RGS3: variants seen among roughly 807,000 people sequenced by gnomAD.
The protein encoded by RGS3 is regulator of G-protein signalling 3.
In RGS3, 80 loss-of-function variants were observed where a neutral mutation model predicts 132.6. The observed-to-expected ratio is 0.60, with a 90% confidence interval of 0.50 to 0.73. The LOEUF (loss-of-function observed/expected upper bound fraction) is 0.73, where lower values mean the gene tolerates loss of function less well. Among genes scored for constraint, RGS3 ranks in the 30% least tolerant of loss-of-function variants. The pLI, the probability that RGS3 is intolerant of heterozygous loss-of-function variation, is 0.00. For synonymous variants in RGS3, 598 were observed against 620.6 expected (o/e 0.96, Z 0.54); for missense variants, 1,382 against 1,530.8 (o/e 0.90, Z 1.62).
chr9:113,446,937 G>A (rs918896970), intron 1 of RGS3, among the ~76,000 whole-genome samples: 17 of 152,074 alleles, frequency 1.1e-4, no homozygotes, highest in Admixed American at 6.6e-4. Context: ...TATCCCCTAA[G>A]CTTACCTTGG....
rs192334612 is a variant in RGS3, at chr9:113,516,650, C to T, written c.1675-891C>T. Among the ~76,000 whole-genome samples, 251 of 152,332 alleles carry T rather than the reference C, an allele frequency of 1.6e-3. 2 individuals carry two copies. Among genetic ancestry groups the T allele is most frequent in the African/African-American group, 5.5e-3 (230 of 41,572 alleles). ...CTGGGATTACAGGCATGAGCCACCA[C>T]ATGCGGCCTGTGTCTAATTTTCATG... is the stretch of plus-strand genomic sequence containing the variant. On this transcript the variant is annotated intron_variant, in intron 15 of 24. Coordinates refer to ENST00000350696, the Ensembl canonical transcript of RGS3.
intron 19 of RGS3, among the ~76,000 whole-genome samples, chr9:113,570,677 G>T (rs1233609374): frequency 6.6e-6 from 1 of 151,596 alleles, no homozygotes; most frequent in East Asian, 1.9e-4. Context: ...TTGAGGCAGA[G>T]TCTCGCTCTG....
At chr9:113,461,818 T>C in exon 2 of RGS3, 1 of 1,614,174 alleles carries the variant, frequency 6.2e-7, no homozygotes. Flanking sequence ...GTCTCCCCTT[T>C]GGGAGGAGGC....
intron 19 of RGS3, among the ~76,000 whole-genome samples, chr9:113,566,956 T>G (rs1193472480): frequency 6.6e-6 from 1 of 152,210 alleles, no homozygotes; most frequent in African/African-American, 2.4e-5. Flanking sequence ...TAGCACATGG[T>G]GTGGCTTAGC....
At chr9:113,465,121 GGCAATTCCT>G (rs1411183241) in intron 3 of RGS3, among the ~76,000 whole-genome samples, 1 of 152,202 alleles carries the variant, frequency 6.6e-6, no homozygotes, top group Non-Finnish European at 1.5e-5. Flanking sequence ...CAGCGTAGGA[GGCAATTCCT>G]GCTAACCCCA....
chr9:113,515,285 C>T (rs952474608), intron 15 of RGS3, among the ~76,000 whole-genome samples: 4 of 152,110 alleles, frequency 2.6e-5, no homozygotes, highest in Middle Eastern at 3.2e-3. Context: ...TGCACTCCAG[C>T]CTCTTCTTCT....
chr9:113,494,975 A>C (rs975228642), intron 7 of RGS3, among the ~76,000 whole-genome samples: 4 of 151,996 alleles, frequency 2.6e-5, no homozygotes, highest in Admixed American at 6.6e-5. Flanking sequence ...CCTGGTTTCA[A>C]GTGACTCTCC....
At chr9:113,500,271 G>A (rs1419642371) in intron 10 of RGS3, among the ~76,000 whole-genome samples, 1 of 152,234 alleles carries the variant, frequency 6.6e-6, no homozygotes, top group Non-Finnish European at 1.5e-5. Context: ...CAGCTCCTGT[G>A]CTGTGCAGGT....
intron 19 of RGS3, among the ~76,000 whole-genome samples, chr9:113,558,704 A>G (rs1833668633): frequency 6.6e-6 from 1 of 152,198 alleles, no homozygotes; most frequent in Non-Finnish European, 1.5e-5. Flanking sequence ...AGGGGCTTTG[A>G]CATTTTGTAG....
At chr9:113,495,717 A>G in intron 7 of RGS3, 69 bp from the exon 6 acceptor site, 1 of 1,283,626 alleles carries the variant, frequency 7.8e-7, no homozygotes, top group Non-Finnish European at 1.1e-6. Flanking sequence ...CCCATGCTAT[A>G]CTTGATAATG....
At chr9:113,522,516 A>C (rs1222567456) in intron 16 of RGS3, 4 of 167,832 alleles carry the variant, frequency 2.4e-5, no homozygotes, top group Non-Finnish European at 5.2e-5. Context: ...AGAGCAGAAT[A>C]AAAGCAAATA....
chr9:113,450,624 G>A (rs981061187), intron 1 of RGS3, among the ~76,000 whole-genome samples: 7 of 152,230 alleles, frequency 4.6e-5, no homozygotes, highest in Middle Eastern at 3.4e-3. Flanking sequence ...TCTAGGAGTC[G>A]TTAGAACAGG....
exon 20 of RGS3, chr9:113,583,626 A>G: frequency 6.2e-7 from 1 of 1,614,118 alleles, no homozygotes; most frequent in Non-Finnish European, 8.5e-7. Flanking sequence ...CTCCCAGCCA[A>G]GAACCACTGT....
chr9:113,454,840 A>G (rs558670591), intron 1 of RGS3, among the ~76,000 whole-genome samples: 44 of 152,214 alleles, frequency 2.9e-4, no homozygotes, highest in Admixed American at 2.6e-4. Flanking sequence ...CTTAAGAACT[A>G]TTCCTGGCCC....
intron 19 of RGS3, among the ~76,000 whole-genome samples, chr9:113,553,459 A>AAAAAAAAAATAAAT (rs1426114805): frequency 1.7e-5 from 1 of 58,706 alleles, no homozygotes; most frequent in African/African-American, 7.2e-5. Context: ...AAAAAAAAAA[A>AAAAAAAAAATAAAT]ATATATATAT....
rs1181715107 is a variant in RGS3, at chr9:113,565,625, C to T, written c.2038-17825C>T. ...TTGACACGGCCGCCAGGAGCTGCCACAGCCACGGCCGCCCGCCTGCGGGAG... is the reference window on the plus strand; with the variant it reads ...TTGACACGGCCGCCAGGAGCTGCCATAGCCACGGCCGCCCGCCTGCGGGAG... On this transcript the variant is annotated intron_variant, in intron 19 of 24. Transcript: ENST00000350696. This position sits in a 1 kb window ranked among gnomAD's most constrained non-coding sequence, Gnocchi z 5.7. 5 of 273,022 alleles carry T rather than the reference C, an allele frequency of 1.8e-5. No individual in the cohort carries two copies. Among genetic ancestry groups the T allele is most frequent in the Non-Finnish European group, 2.9e-5 (4 of 136,386 alleles). 16.9% of individuals were successfully genotyped at this position (273,022 alleles called of 1,614,324 possible).
intron 19 of RGS3, among the ~76,000 whole-genome samples, chr9:113,538,737 C>G (rs1832783587): frequency 6.6e-6 from 1 of 152,186 alleles, no homozygotes; most frequent in South Asian, 2.1e-4. Context: ...GACACCTCTT[C>G]AAATCCAAAC....
intron 19 of RGS3, among the ~76,000 whole-genome samples, chr9:113,553,629 G>T (rs1401865290): frequency 6.6e-6 from 1 of 150,830 alleles, no homozygotes; most frequent in Non-Finnish European, 1.5e-5. Flanking sequence ...ATCACCTGAG[G>T]TCAGGAGTTC....
intron 19 of RGS3, among the ~76,000 whole-genome samples, chr9:113,564,777 G>A (rs987073216): frequency 1.3e-5 from 2 of 152,216 alleles, no homozygotes; most frequent in African/African-American, 4.8e-5. Context: ...AGATTCAGCT[G>A]TGTGCTGGGA....
Sources: allele counts gnomAD v4.1 joint callset (sites outside exome capture counted in the v4.1 genomes callset), GRCh38; gene constraint gnomAD v4.1.1; non-coding constraint Gnocchi (gnomAD v3.1); transcripts MANE v1.5; gene names NCBI Gene and HGNC (gene_info 2026-07-23, HGNC 2026-07-21).